The following RASSF5 variants were observed in gnomAD, a reference collection of about 807,000 sequenced individuals.
RASSF5 encodes the protein ras association domain-containing protein 5.
RASSF5 carries 25 observed loss-of-function variants against 40.5 expected under a neutral mutation model. That is an observed-to-expected ratio of 0.62 (90% CI 0.45 to 0.86). RASSF5 has a LOEUF of 0.86. RASSF5 is among the 40% of genes least tolerant of loss of function. The probability of loss-of-function intolerance (pLI) is 0.00; values close to 1 mark genes in which losing one functional copy is unlikely to be tolerated. For synonymous variants in RASSF5, 246 were observed against 252.4 expected, an observed-to-expected ratio of 0.97 and a Z score of 0.24; for missense variants, 521 against 572.8, an observed-to-expected ratio of 0.91 and a Z score of 0.92.
intron 1 of RASSF5, chr1:206,518,690 G>T (rs1444740601): frequency 1.5e-5 from 6 of 393,744 alleles, no homozygotes; most frequent in African/African-American, 8.2e-5. Flanking sequence ...TCCTGACTCC[G>T]CAAGGACAAA....
chr1:206,583,223 C>T, intron 2 of RASSF5, 46 bp from the exon 3 acceptor site: 1 of 1,301,162 alleles, frequency 7.7e-7, no homozygotes, highest in Non-Finnish European at 1.1e-6. Flanking sequence ...CCTTTCTCAC[C>T]CTGAGAACTA....
At chr1:206,551,130 T>C (rs1211988722) in intron 2 of RASSF5, among the ~76,000 whole-genome samples, 2 of 152,126 alleles carry the variant, frequency 1.3e-5, no homozygotes, top group Non-Finnish European at 2.9e-5. Context: ...GAAACTAGGG[T>C]CCCACATCTA....
At chr1:206,509,443 C>T (rs1553394344) in intron 1 of RASSF5, among the ~76,000 whole-genome samples, 1 of 152,238 alleles carries the variant, frequency 6.6e-6, no homozygotes, top group East Asian at 1.9e-4. Context: ...TGTAGAGGTA[C>T]ATGTTGTGGG....
intron 2 of RASSF5, chr1:206,543,596 T>C (rs1354184808): frequency 1.3e-5 from 2 of 151,176 alleles, no homozygotes; most frequent in East Asian, 3.9e-4. Context: ...TGTGTGTAAA[T>C]GCAGAACGAG....
chr1:206,557,331 C>T, intron 2 of RASSF5: 2 of 1,277,698 alleles, frequency 1.6e-6, no homozygotes, highest in South Asian at 2.2e-5. Flanking sequence ...GCTCTGCAGG[C>T]GCAGGCGGCG....
rs1669236971 is a variant in RASSF5, at chr1:206,588,764, A to C, written c.*1786A>C. ...AACCCTGGTTAGCCATCTCATGCTC[A>C]GCCTTATCACTTCCCTCCCTTTAGA... is the stretch of plus-strand genomic sequence containing the variant. On this transcript the variant is annotated 3_prime_UTR_variant, in exon 6 of 6. Coordinates refer to ENST00000579436, the MANE Select transcript of RASSF5 (RefSeq NM_182663.4). 6.5e-6 allele frequency: 1 copy of C among 152,764 alleles called. No homozygotes were observed. The highest frequency in any genetic ancestry group is 2.1e-4 in the South Asian group (1 of 4,832). 9.5% of individuals were successfully genotyped at this position (152,764 alleles called of 1,614,324 possible). A position where few individuals can be genotyped will look rare whatever the true frequency, so the allele number is the denominator to read the frequency against.
At chr1:206,549,969 C>T (rs1667791832) in intron 2 of RASSF5, among the ~76,000 whole-genome samples, 1 of 152,190 alleles carries the variant, frequency 6.6e-6, no homozygotes, top group Non-Finnish European at 1.5e-5. Context: ...GGCCTTTCTG[C>T]AGTTCTCTCT....
At chr1:206,512,887 C>T (rs1372664443) in intron 1 of RASSF5, among the ~76,000 whole-genome samples, 1 of 152,236 alleles carries the variant, frequency 6.6e-6, no homozygotes, top group Non-Finnish European at 1.5e-5. Flanking sequence ...TTCATGCCCG[C>T]TGCTACATTC....
chr1:206,562,140 AT>A (rs1553402760), intron 2 of RASSF5, among the ~76,000 whole-genome samples: 1 of 151,946 alleles, frequency 6.6e-6, no homozygotes, highest in African/African-American at 2.4e-5. Context: ...CCTGCCTGTA[AT>A]TGTTCCATCT....
At chr1:206,570,230 T>C (rs1553403996) in intron 2 of RASSF5, among the ~76,000 whole-genome samples, 1 of 151,920 alleles carries the variant, frequency 6.6e-6, no homozygotes, top group East Asian at 1.9e-4. Flanking sequence ...TAGCTGGCAC[T>C]ACAGGCATGG....
intron 1 of RASSF5, among the ~76,000 whole-genome samples, chr1:206,533,028 C>A (rs1216854057): frequency 6.6e-6 from 1 of 152,154 alleles, no homozygotes; most frequent in Non-Finnish European, 1.5e-5. Context: ...CATTGGCAGC[C>A]CTGGGGATTA....
chr1:206,572,946 G>A (rs1553404487), intron 2 of RASSF5, among the ~76,000 whole-genome samples: 3 of 152,160 alleles, frequency 2.0e-5, no homozygotes, highest in Non-Finnish European at 4.4e-5. Context: ...CACTGACCAA[G>A]CTTTGGTCAA....
intron 2 of RASSF5, among the ~76,000 whole-genome samples, chr1:206,540,361 A>AC (rs761381249): frequency 7.2e-5 from 11 of 152,042 alleles, no homozygotes; most frequent in Non-Finnish European, 1.2e-4. Flanking sequence ...AAACAGAGTG[A>AC]CCCCCTTTCC....
At chr1:206,537,512 A>G (rs1667446601) in intron 1 of RASSF5, among the ~76,000 whole-genome samples, 1 of 152,208 alleles carries the variant, frequency 6.6e-6, no homozygotes, top group South Asian at 2.1e-4. Flanking sequence ...TTACCCATAC[A>G]GGCTGAGTAT....
At chr1:206,533,020 T>C (rs529345106) in intron 1 of RASSF5, among the ~76,000 whole-genome samples, 2 of 152,140 alleles carry the variant, frequency 1.3e-5, no homozygotes, top group African/African-American at 2.4e-5. Context: ...AAAACTAACA[T>C]TGGCAGCCCT....
chr1:206,550,084 T>C (rs1188409760), intron 2 of RASSF5, among the ~76,000 whole-genome samples: 2 of 152,126 alleles, frequency 1.3e-5, no homozygotes, highest in Non-Finnish European at 2.9e-5. Flanking sequence ...TTTTCCAGGC[T>C]CCACCTTAGT....
At chr1:206,520,911 G>A (rs1345296751) in intron 1 of RASSF5, among the ~76,000 whole-genome samples, 23 of 152,184 alleles carry the variant, frequency 1.5e-4, no homozygotes, top group African/African-American at 5.6e-4. Context: ...CAAGCCTGCA[G>A]CACGGCTGTC....
At chr1:206,572,925 T>C (rs1454987158) in intron 2 of RASSF5, among the ~76,000 whole-genome samples, 1 of 152,154 alleles carries the variant, frequency 6.6e-6, no homozygotes, top group African/African-American at 2.4e-5. Context: ...CAAGGTCCCA[T>C]ATTGGGTCCC....
intron 1 of RASSF5, among the ~76,000 whole-genome samples, chr1:206,523,680 TAAATATATTA>T (rs1666986874): frequency 1.1e-5 from 1 of 94,536 alleles, no homozygotes; most frequent in East Asian, 2.7e-4. Flanking sequence ...ATATTATATA[TAAATATATTA>T]TATATAATAT....
Sources: gnomAD v4.1 joint callset for allele counts (sites outside exome capture counted in the v4.1 genomes callset) on GRCh38, gnomAD v4.1.1 for gene constraint, MANE v1.5 for transcripts, NCBI Gene and HGNC (gene_info 2026-07-23, HGNC 2026-07-21) for gene names.